ADGRB3: variants seen among roughly 807,000 people sequenced by gnomAD.
ADGRB3 encodes the protein brain-specific angiogenesis inhibitor 3.
Under a neutral mutation model 193.4 loss-of-function variants are expected in ADGRB3, and 37 were observed. The ratio of observed to expected loss-of-function variants is 0.19; its 90% confidence interval spans 0.15 to 0.25. The LOEUF (loss-of-function observed/expected upper bound fraction) is 0.25, where lower values mean the gene tolerates loss of function less well. ADGRB3 is among the 10% of genes least tolerant of loss of function. ADGRB3 has a pLI of 1.00. For missense variants in ADGRB3, 1,637 were observed against 1,852.9 expected, an observed-to-expected ratio of 0.88 and a Z score of 2.14; for synonymous variants, 690 against 644.2, an observed-to-expected ratio of 1.07 and a Z score of -1.08.
intron 6 of ADGRB3, among the ~76,000 whole-genome samples, chr6:68,952,715 A>G (rs1368469156): frequency 6.6e-6 from 1 of 152,200 alleles, no homozygotes; most frequent in Admixed American, 6.5e-5. Flanking sequence ...TTTGGTTCTC[A>G]GTGTAAAATA....
rs1415869667 is a variant in ADGRB3, at chr6:69,233,408, A to G, written c.2599A>G (p.Arg867Gly). Residue 867 changes from arginine (R) to glycine (G), a missense_variant, in exon 18 of 32, where the codon AGA becomes GGA. Arg to Gly is a moderately radical substitution (Grantham distance 125). Around this residue, in one of 7 missense-constraint regions of ADGRB3, gnomAD observed 641 missense variants for 673.9 expected, o/e 0.95. Coordinates refer to ENST00000370598, the MANE Select transcript of ADGRB3 (RefSeq NM_001704.3). ...STFAILAQQP[R>G]EIIMESSGTP... ...CTTCGCCATTTTGGCTCAGCAACCTAGAGAAATAGTAAGTAACAAAGGGAA... is the reference window on the plus strand; with the variant it reads ...CTTCGCCATTTTGGCTCAGCAACCTGGAGAAATAGTAAGTAACAAAGGGAA... 9 of 1,613,906 alleles carry G rather than the reference A, an allele frequency of 5.6e-6. No individual in the cohort carries two copies. In the African/African-American group the frequency reaches 1.1e-4, roughly 19 times the overall value.
At chr6:68,913,616 A>G (rs1411643111) in intron 3 of ADGRB3, among the ~76,000 whole-genome samples, 2 of 152,242 alleles carry the variant, frequency 1.3e-5, no homozygotes, top group African/African-American at 4.8e-5. Flanking sequence ...AAAACCTGGA[A>G]ACTCTAAAAA....
intron 5 of ADGRB3, among the ~76,000 whole-genome samples, chr6:68,939,530 GAA>G (rs140876574): frequency 0.015 from 2,274 of 152,212 alleles, 56 homozygotes; most frequent in African/African-American, 0.05. Context: ...AAGAAAATGA[GAA>G]AAGTTTTATT....
In ADGRB3 at chr6:69,013,949, C is replaced by T. The variant is rs1012484035; in HGVS notation, c.1930-89C>T. 2.4e-5 allele frequency: 19 copies of T among 779,672 alleles called. No homozygotes were observed. The East Asian group carries it at 3.1e-4, about 13-fold the overall frequency. 48.3% of individuals were successfully genotyped at this position (779,672 alleles called of 1,614,324 possible). A position where few individuals can be genotyped will look rare whatever the true frequency, so the allele number is the denominator to read the frequency against. ...AAGCAATATTGCAAAGTGCTTATAC[C>T]TTTACCACGTAGTCAACCCAAATGG... On this transcript the variant is annotated intron_variant, in intron 11 of 31. Transcript: ENST00000370598.
At chr6:69,014,017 T>C in intron 11 of ADGRB3, 21 bp from the exon 12 acceptor site, 1 of 1,458,680 alleles carries the variant, frequency 6.9e-7, no homozygotes, top group Non-Finnish European at 9.4e-7. Flanking sequence ...TATTAAATCT[T>C]TTATCTAATT....
At chr6:69,043,304 G>GAAAGAAAGAAAGAAAGAAAGA (rs1771133937) in intron 13 of ADGRB3, among the ~76,000 whole-genome samples, 1 of 148,524 alleles carries the variant, frequency 6.7e-6, no homozygotes, top group South Asian at 2.1e-4. Flanking sequence ...AAGAAAGAAA[G>GAAAGAAAGAAAGAAAGAAAGA]AAAGAAAGAA....
At chr6:68,685,522 CTG>C (rs1476859674) in intron 3 of ADGRB3, among the ~76,000 whole-genome samples, 2 of 151,874 alleles carry the variant, frequency 1.3e-5, no homozygotes, top group African/African-American at 4.8e-5. Context: ...AAGGCAAATT[CTG>C]TGTTATTGTG....
At chr6:68,966,298 T>C (rs1275931111) in intron 8 of ADGRB3, among the ~76,000 whole-genome samples, 1 of 152,128 alleles carries the variant, frequency 6.6e-6, no homozygotes, top group African/African-American at 2.4e-5. Context: ...TCTTCAGCTC[T>C]CTTTCTTTCA....
rs774424604 is a variant in ADGRB3 at position 69,339,050 on chromosome 6, T to A, written c.3287+36T>A. 18 of 1,600,826 alleles carry A rather than the reference T, an allele frequency of 1.1e-5. No individual in the cohort carries two copies. In the East Asian group the frequency reaches 4.0e-4, roughly 36 times the overall value. On this transcript the variant is annotated intron_variant, in intron 25 of 31. Transcript: ENST00000370598. Reference sequence around the variant, plus strand: ...ATCATTTACATCTTCTTGTTACAAATCTTTTACAGTGCATGTGAGAAAATG... The same window carrying A: ...ATCATTTACATCTTCTTGTTACAAAACTTTTACAGTGCATGTGAGAAAATG...
chr6:69,001,095 T>C (rs1464709446), intron 11 of ADGRB3, among the ~76,000 whole-genome samples: 4 of 152,234 alleles, frequency 2.6e-5, no homozygotes, highest in Admixed American at 6.5e-5. Context: ...AAGTATAGCA[T>C]GTTCCACTTC....
Position 69,031,555 on chromosome 6 carries a change from C to CTTTCTTTCTTTCTTTCTTTCT in ADGRB3, c.2107+13067_2107+13068insCTTTCTTTCTTTTCTTTCTTT, listed in dbSNP as rs1770703152. Among the ~76,000 whole-genome samples, 161 of 91,562 alleles carry CTTTCTTTCTTTCTTTCTTTCT rather than the reference C, an allele frequency of 1.8e-3. 6 individuals are homozygous for CTTTCTTTCTTTCTTTCTTTCT. The highest frequency in any genetic ancestry group is 6.1e-3 in the African/African-American group (159 of 26,230). 60.1% of individuals were successfully genotyped at this position (91,562 alleles called of 152,430 possible). ...TTTCTTTCTTTCTTTCTTTCTTTTT[C>CTTTCTTTCTTTCTTTCTTTCT]TTTCTTTCTTTTCTTCCTCTGTCTC... On this transcript the variant is annotated intron_variant, in intron 13 of 31. Coordinates refer to ENST00000370598, the MANE Select transcript of ADGRB3 (RefSeq NM_001704.3).
chr6:69,197,523 A>C (rs886260188), intron 17 of ADGRB3, among the ~76,000 whole-genome samples: 8 of 152,010 alleles, frequency 5.3e-5, no homozygotes, highest in African/African-American at 1.9e-4. Context: ...ATACAAACAG[A>C]TATATCGATG....
At chr6:69,314,534 G>A (rs1194465758) in intron 20 of ADGRB3, among the ~76,000 whole-genome samples, 1 of 151,604 alleles carries the variant, frequency 6.6e-6, no homozygotes, top group Non-Finnish European at 1.5e-5. Flanking sequence ...GGGTTGAAGA[G>A]ATGATGTTTC....
At chr6:68,813,717 C>A (rs1320121615) in intron 3 of ADGRB3, among the ~76,000 whole-genome samples, 2 of 152,072 alleles carry the variant, frequency 1.3e-5, no homozygotes, top group Non-Finnish European at 2.9e-5. Flanking sequence ...TCCCCTCATC[C>A]CACAACAGGC....
intron 16 of ADGRB3, among the ~76,000 whole-genome samples, chr6:69,064,732 G>C (rs1771849981): frequency 6.6e-6 from 1 of 152,034 alleles, no homozygotes; most frequent in Admixed American, 6.6e-5. Flanking sequence ...GAGAACAGTT[G>C]TGCAAATGAA....
Position 68,646,558 on chromosome 6 carries a change from G to A in ADGRB3, c.757+7126G>A, listed in dbSNP as rs533606528. On this transcript the variant is annotated intron_variant, in intron 3 of 31. Coordinates refer to ENST00000370598, the MANE Select transcript of ADGRB3 (RefSeq NM_001704.3). ...TTGATAAAAATAAATAAATACAAAT[G>A]ATAACACTGAATTTTCATACTACTT... 9.2e-5 allele frequency among the ~76,000 whole-genome samples: 14 copies of A among 151,584 alleles called. 1 individual carries two copies. The highest frequency in any genetic ancestry group is 2.1e-4 in the Non-Finnish European group (14 of 67,882).
intron 3 of ADGRB3, among the ~76,000 whole-genome samples, chr6:68,925,986 A>G (rs1273808960): frequency 6.6e-6 from 1 of 152,070 alleles, no homozygotes; most frequent in Non-Finnish European, 1.5e-5. Context: ...ATTTATGGAT[A>G]ATAACCTTAT....
In ADGRB3 at chr6:69,336,096, T is replaced by C. The variant is rs75570792; in HGVS notation, c.3189-2820T>C. ...AGTTCAGGAGTAGAAGTACAGGCTTTTTACACAGATAAACTTGTGTCTCAG... is the reference window on the plus strand; with the variant it reads ...AGTTCAGGAGTAGAAGTACAGGCTTCTTACACAGATAAACTTGTGTCTCAG... On this transcript the variant is annotated intron_variant, in intron 24 of 31. Coordinates refer to ENST00000370598, the MANE Select transcript of ADGRB3 (RefSeq NM_001704.3). Among the ~76,000 whole-genome samples, 1,029 of 152,100 alleles carry C rather than the reference T, an allele frequency of 6.8e-3. 18 individuals are homozygous for C. The highest frequency in any genetic ancestry group is 0.024 in the African/African-American group (1,001 of 41,554).
intron 3 of ADGRB3, among the ~76,000 whole-genome samples, chr6:68,668,839 C>T (rs1348435833): frequency 2.0e-5 from 3 of 151,862 alleles, no homozygotes; most frequent in Non-Finnish European, 4.4e-5. Context: ...CACTTCTTAC[C>T]CTAAGTATCA....
Sources: allele counts gnomAD v4.1 joint callset (sites outside exome capture counted in the v4.1 genomes callset), GRCh38; gene constraint gnomAD v4.1.1; regional missense constraint gnomAD v4.1.1; transcripts MANE v1.5; gene names NCBI Gene and HGNC (gene_info 2026-07-23, HGNC 2026-07-21).